TRDN: variants seen among roughly 807,000 people sequenced by gnomAD.
The protein encoded by TRDN is triadin.
Under a neutral mutation model 149.7 loss-of-function variants are expected in TRDN, and 161 were observed. The ratio of observed to expected loss-of-function variants is 1.08; its 90% CI spans 0.95 to 1.23. The LOEUF (loss-of-function observed/expected upper bound fraction) is 1.23, where lower values mean the gene tolerates loss of function less well. Ranked by LOEUF, TRDN falls within the 50% of genes most tolerant of loss-of-function variation. The pLI, the probability that TRDN is intolerant of heterozygous loss-of-function variation, is 0.00. For missense variants in TRDN, 896 were observed against 823.5 expected, an observed-to-expected ratio of 1.09 and a Z score of -1.08; for synonymous variants, 294 against 250.5, an observed-to-expected ratio of 1.17 and a Z score of -1.64.
chr6:123,550,134 G>A (rs527308496), intron 2 of TRDN, among the ~76,000 whole-genome samples: 10 of 152,098 alleles, frequency 6.6e-5, no homozygotes, highest in Admixed American at 5.9e-4. Flanking sequence ...AGAATCCAAC[G>A]GAAGACAGAA....
intron 10 of TRDN, chr6:123,464,611 T>C (rs769204209): frequency 9.3e-7 from 1 of 1,071,428 alleles, no homozygotes; most frequent in East Asian, 6.1e-5. Flanking sequence ...CTCCCAGAGT[T>C]GCAAGGCATA....
At chr6:123,273,453 C>G in intron 27 of TRDN, 90 bp from the exon 28 acceptor site, 1 of 621,826 alleles carries the variant, frequency 1.6e-6, no homozygotes, top group Middle Eastern at 3.0e-4. Context: ...GTAAATAGAA[C>G]TAGGCATAAC....
chr6:123,485,641 C>T (rs2114781737), intron 9 of TRDN, among the ~76,000 whole-genome samples: 1 of 152,180 alleles, frequency 6.6e-6, no homozygotes, highest in South Asian at 2.1e-4. Context: ...GAACCACCAT[C>T]CACACCAAAC....
chr6:123,225,531 CACAT>C (rs1439474211), intron 38 of TRDN, among the ~76,000 whole-genome samples: 3 of 86,480 alleles, frequency 3.5e-5, no homozygotes, highest in African/African-American at 9.2e-5. Context: ...CACACACACA[CACAT>C]ACACACACAT....
intron 9 of TRDN, among the ~76,000 whole-genome samples, chr6:123,485,553 A>T (rs2185161): frequency 7.2e-5 from 11 of 152,212 alleles, no homozygotes; most frequent in African/African-American, 2.6e-4. Context: ...TTCTAGGGAG[A>T]GAATAATAAT....
At chr6:123,283,215 T>C (rs987378158) in intron 24 of TRDN, among the ~76,000 whole-genome samples, 85 of 152,032 alleles carry the variant, frequency 5.6e-4, no homozygotes, top group African/African-American at 1.9e-3. Flanking sequence ...TTCTGAACGA[T>C]CATTGGGTCA....
At chr6:123,412,022 T>C (rs991339481) in intron 12 of TRDN, among the ~76,000 whole-genome samples, 29 of 152,234 alleles carry the variant, frequency 1.9e-4, no homozygotes, top group African/African-American at 6.8e-4. Flanking sequence ...CAGAAATCCT[T>C]CTGGCTGGTT....
chr6:123,365,342 CAAT>C (rs1781054242), intron 20 of TRDN, among the ~76,000 whole-genome samples: 1 of 147,498 alleles, frequency 6.8e-6, no homozygotes, highest in South Asian at 2.1e-4. Flanking sequence ...TATACTGTAT[CAAT>C]AAACATAAAT....
intron 32 of TRDN, among the ~76,000 whole-genome samples, chr6:123,266,202 A>G (rs1776955455): frequency 1.4e-5 from 1 of 72,784 alleles, no homozygotes. Context: ...TATGTATTAT[A>G]TATTATATAT....
chr6:123,540,413 G>A (rs1780767977), intron 4 of TRDN, among the ~76,000 whole-genome samples: 1 of 151,554 alleles, frequency 6.6e-6, no homozygotes, highest in Admixed American at 6.6e-5. Context: ...CAGAAGTGAA[G>A]AAAGAGGATT....
At chr6:123,351,232 T>G in intron 21 of TRDN, 2 of 979,016 alleles carry the variant, frequency 2.0e-6, no homozygotes, top group Non-Finnish European at 2.4e-6. Flanking sequence ...TAAGTATCTG[T>G]TACATGCTTA....
At chr6:123,448,559 C>T (rs1471014600) in intron 10 of TRDN, among the ~76,000 whole-genome samples, 5 of 152,054 alleles carry the variant, frequency 3.3e-5, no homozygotes, top group Non-Finnish European at 5.9e-5. Flanking sequence ...TCACCCCCAT[C>T]CCCCACAGCA....
intron 23 of TRDN, among the ~76,000 whole-genome samples, chr6:123,327,790 T>A (rs1162821768): frequency 1.3e-5 from 2 of 152,160 alleles, no homozygotes; most frequent in Admixed American, 6.5e-5. Flanking sequence ...ACTTTGATTA[T>A]CCCTTTTCAA....
At chr6:123,229,015 TAAG>T (rs1383093092) in intron 38 of TRDN, among the ~76,000 whole-genome samples, 1 of 151,958 alleles carries the variant, frequency 6.6e-6, no homozygotes. Context: ...CTAAACATTA[TAAG>T]TAGTGTAAGC....
chr6:123,380,838 A>G (rs1344017910), intron 16 of TRDN, among the ~76,000 whole-genome samples: 2 of 152,018 alleles, frequency 1.3e-5, no homozygotes, highest in Non-Finnish European at 2.9e-5. Flanking sequence ...CAGTCTTAAT[A>G]GTGTTAAAGC....
chr6:123,388,396 A>T (rs1781984411), intron 14 of TRDN, 126 bp downstream of exon 14: 6 of 1,086,400 alleles, frequency 5.5e-6, no homozygotes, highest in Non-Finnish European at 6.8e-6. Flanking sequence ...ATTCATGCAA[A>T]ATGTATGCAC....
chr6:123,592,651 T>C (rs1476229042), intron 1 of TRDN, among the ~76,000 whole-genome samples: 3 of 152,162 alleles, frequency 2.0e-5, no homozygotes, highest in Non-Finnish European at 4.4e-5. Context: ...TTCTGTGGAG[T>C]GAGCTTCATA....
rs1775496485 is a variant in TRDN at position 123,447,999 on chromosome 6, G to T, written c.932-8996C>A. Among the ~76,000 whole-genome samples the T allele has an allele frequency of 2.0e-5, 3 of 152,270 alleles. No individual in the cohort carries two copies. The South Asian group carries it at 6.2e-4, about 32-fold the overall frequency. On this transcript the variant is annotated intron_variant, in intron 10 of 40. Transcript: ENST00000334268. ...GTAGAAAATGATGGGCTGTTTGCAG[G>T]AGAAATTTCCAACTTTATCAGGAGC... is the stretch of plus-strand genomic sequence containing the variant.
At chr6:123,503,446 C>G in intron 8 of TRDN, 1 of 985,166 alleles carries the variant, frequency 1.0e-6, no homozygotes, top group Non-Finnish European at 1.2e-6. Context: ...AACATTTATC[C>G]CCAATCTTTA....
Sources: allele counts gnomAD v4.1 joint callset (sites outside exome capture counted in the v4.1 genomes callset), GRCh38; gene constraint gnomAD v4.1.1; transcripts MANE v1.5; gene names NCBI Gene and HGNC (gene_info 2026-07-23, HGNC 2026-07-21).